ANKS1B: variants seen among roughly 807,000 people sequenced by gnomAD.
ANKS1B encodes the protein ankyrin repeat and sterile alpha motif domain-containing protein 1B.
ANKS1B carries 36 observed loss-of-function variants against 148.3 expected under a neutral mutation model. That is an observed-to-expected ratio of 0.24 (90% CI 0.19 to 0.32). ANKS1B has a LOEUF of 0.32. Among genes scored for constraint, ANKS1B ranks in the 10% least tolerant of loss-of-function variants. The probability of loss-of-function intolerance (pLI) is 1.00; values close to 1 mark genes in which losing one functional copy is unlikely to be tolerated. For synonymous variants in ANKS1B, 542 were observed against 560.8 expected (o/e 0.97, Z 0.47); for missense variants, 1,157 against 1,542.6 (o/e 0.75, Z 4.19).
chr12:99,281,746 C>A (rs575002854), intron 12 of ANKS1B, among the ~76,000 whole-genome samples: 1 of 152,108 alleles, frequency 6.6e-6, no homozygotes, highest in African/African-American at 2.4e-5. Context: ...GAATTGTATA[C>A]TAGGAGGAAC....
chr12:99,487,720 T>C, intron 10 of ANKS1B, among the ~76,000 whole-genome samples: 1 of 152,210 alleles, frequency 6.6e-6, no homozygotes, highest in Non-Finnish European at 1.5e-5. Context: ...TCTGATGTGT[T>C]GAAATTGCCA....
intron 14 of ANKS1B, among the ~76,000 whole-genome samples, chr12:99,164,832 TAA>T (rs2077044392): frequency 3.3e-5 from 5 of 152,034 alleles, no homozygotes; most frequent in Admixed American, 3.3e-4. Context: ...TCCTCCTATT[TAA>T]AGAGTCTTTA....
rs150622059 is a variant in ANKS1B, at chr12:99,502,193, C to T, written c.1438+2283G>A. Among the ~76,000 whole-genome samples the T allele has an allele frequency of 3.5e-3, 527 of 152,234 alleles. 6 individuals are homozygous for T. The highest frequency in any genetic ancestry group is 0.011 in the African/African-American group (440 of 41,552). On this transcript the variant is annotated intron_variant, in intron 10 of 26. Transcript: ENST00000683438. ...CTGTGCCCCAATTAAAGCTCTTTCA[C>T]ATTTTGCATATCTATTTCCTGCATT...
At chr12:99,309,207 T>C (rs1285033883) in intron 12 of ANKS1B, among the ~76,000 whole-genome samples, 1 of 151,976 alleles carries the variant, frequency 6.6e-6, no homozygotes, top group Non-Finnish European at 1.5e-5. Flanking sequence ...GTTGCCATTA[T>C]ATTTTAAATA....
At chr12:99,311,831 A>G (rs1391035556) in intron 12 of ANKS1B, among the ~76,000 whole-genome samples, 1 of 152,094 alleles carries the variant, frequency 6.6e-6, no homozygotes, top group Non-Finnish European at 1.5e-5. Flanking sequence ...TGTTATATAT[A>G]TTTCATCTTT....
chr12:98,940,582 T>TTGTTATC (rs1336146392), intron 17 of ANKS1B, among the ~76,000 whole-genome samples: 1 of 152,156 alleles, frequency 6.6e-6, no homozygotes, highest in East Asian at 1.9e-4. Flanking sequence ...CATGAATTAC[T>TTGTTATC]TGTGTAAATA....
intron 11 of ANKS1B, among the ~76,000 whole-genome samples, chr12:99,411,570 C>T (rs1835016207): frequency 6.6e-6 from 1 of 152,060 alleles, no homozygotes; most frequent in African/African-American, 2.4e-5. Context: ...CTATATCAAC[C>T]TGGGATATTT....
intron 1 of ANKS1B, among the ~76,000 whole-genome samples, chr12:99,834,206 AC>A (rs2084463472): frequency 6.6e-6 from 1 of 151,904 alleles, no homozygotes; most frequent in South Asian, 2.1e-4. Flanking sequence ...TAGATTAAAA[AC>A]TTGATTAACT....
intron 10 of ANKS1B, among the ~76,000 whole-genome samples, chr12:99,458,246 A>G (rs554679114): frequency 9.9e-4 from 150 of 152,210 alleles, no homozygotes; most frequent in African/African-American, 3.4e-3. Context: ...GACACAACCT[A>G]TCAAAACCTC....
At chr12:98,855,312 T>A (rs1730281514) in intron 17 of ANKS1B, among the ~76,000 whole-genome samples, 1 of 152,174 alleles carries the variant, frequency 6.6e-6, no homozygotes, top group South Asian at 2.1e-4. Flanking sequence ...GTCAAGAGAG[T>A]TGAAGGAGGC....
intron 12 of ANKS1B, among the ~76,000 whole-genome samples, chr12:99,336,685 G>A (rs1312095710): frequency 1.3e-5 from 2 of 151,844 alleles, no homozygotes; most frequent in Admixed American, 6.6e-5. Flanking sequence ...TTAGATGTAC[G>A]GATTTATTTC....
At chr12:99,016,477 G>A (rs563094872) in intron 17 of ANKS1B, among the ~76,000 whole-genome samples, 9 of 152,262 alleles carry the variant, frequency 5.9e-5, no homozygotes, top group East Asian at 3.9e-4. Flanking sequence ...CCAGCATGGC[G>A]AAACCCTGCC....
At chr12:99,558,484 C>T (rs1229238961) in intron 9 of ANKS1B, among the ~76,000 whole-genome samples, 2 of 152,004 alleles carry the variant, frequency 1.3e-5, no homozygotes, top group African/African-American at 4.8e-5. Flanking sequence ...GTGGTCCATG[C>T]CTGAGTAAGT....
At chr12:99,754,214 A>G (rs973566780) in intron 8 of ANKS1B, among the ~76,000 whole-genome samples, 5 of 152,066 alleles carry the variant, frequency 3.3e-5, no homozygotes, top group African/African-American at 1.2e-4. Flanking sequence ...TGCTATTCTT[A>G]TTTCAGACAA....
intron 14 of ANKS1B, among the ~76,000 whole-genome samples, chr12:99,188,957 A>G (rs2080267117): frequency 6.6e-6 from 1 of 152,232 alleles, no homozygotes. Context: ...AGACTAATAA[A>G]GAAGAAAAGA....
At chr12:99,227,790 T>C (rs1045536512) in intron 14 of ANKS1B, among the ~76,000 whole-genome samples, 3 of 152,172 alleles carry the variant, frequency 2.0e-5, no homozygotes, top group Non-Finnish European at 4.4e-5. Context: ...GTAAGTCTCC[T>C]ACAAATCAGC....
At chr12:99,950,261 G>C (rs897131846) in intron 1 of ANKS1B, among the ~76,000 whole-genome samples, 20 of 151,562 alleles carry the variant, frequency 1.3e-4, no homozygotes, top group African/African-American at 4.9e-4. Flanking sequence ...CACCTGGCCT[G>C]TTCCAATTCT....
chr12:99,324,036 A>G (rs975144872), intron 12 of ANKS1B, among the ~76,000 whole-genome samples: 1 of 152,198 alleles, frequency 6.6e-6, no homozygotes, highest in Non-Finnish European at 1.5e-5. Flanking sequence ...CTTAAATAAA[A>G]ATTAAACTAG....
intron 9 of ANKS1B, among the ~76,000 whole-genome samples, chr12:99,584,810 G>A (rs756842676): frequency 3.3e-5 from 5 of 151,920 alleles, no homozygotes; most frequent in South Asian, 2.1e-4. Flanking sequence ...CCAACAGATC[G>A]CGTGAGACTT....
Sources: allele counts gnomAD v4.1 joint callset (sites outside exome capture counted in the v4.1 genomes callset), GRCh38; gene constraint gnomAD v4.1.1; transcripts MANE v1.5; gene names NCBI Gene and HGNC (gene_info 2026-07-23, HGNC 2026-07-21).